The following ADAMTS17 variants were observed in gnomAD, a reference collection of about 807,000 sequenced individuals.
ADAMTS17 encodes the protein A disintegrin and metalloproteinase with thrombospondin motifs 17.
Under a neutral mutation model 141.5 loss-of-function variants are expected in ADAMTS17, and 113 were observed. That is an observed-to-expected ratio of 0.80 (90% confidence interval 0.69 to 0.93). ADAMTS17 has a LOEUF of 0.93. Ranked by LOEUF, ADAMTS17 falls within the 40% of genes least tolerant of loss-of-function variation. ADAMTS17 has a pLI of 0.00. For missense variants in ADAMTS17, 1,659 were observed against 1,517.9 expected (o/e 1.09, Z -1.54); for synonymous variants, 768 against 630.6 (o/e 1.22, Z -3.27).
intron 3 of ADAMTS17, among the ~76,000 whole-genome samples, chr15:100,310,140 C>T (rs1043913464): frequency 6.6e-5 from 10 of 152,148 alleles, no homozygotes; most frequent in Admixed American, 2.6e-4. Flanking sequence ...ACGGATGTGC[C>T]GCTGAACACT....
At chr15:100,334,367 T>TGAGGAA (rs2046144543) in intron 2 of ADAMTS17, among the ~76,000 whole-genome samples, 1 of 152,186 alleles carries the variant, frequency 6.6e-6, no homozygotes, top group Non-Finnish European at 1.5e-5. Flanking sequence ...TGGAATTCCC[T>TGAGGAA]TTCTTCAGGA....
chr15:100,092,849 G>A (rs1340145032), intron 15 of ADAMTS17, among the ~76,000 whole-genome samples: 1 of 152,224 alleles, frequency 6.6e-6, no homozygotes, highest in African/African-American at 2.4e-5. Flanking sequence ...CAGTCCAGGT[G>A]TGTCCTGGCT....
intron 14 of ADAMTS17, among the ~76,000 whole-genome samples, chr15:100,104,600 T>C (rs1423410136): frequency 6.6e-6 from 1 of 152,102 alleles, no homozygotes; most frequent in Admixed American, 6.5e-5. Flanking sequence ...TAGCACAATT[T>C]ATAGCTGAAG....
At chr15:100,102,701 C>T (rs4965586) in intron 14 of ADAMTS17, among the ~76,000 whole-genome samples, 12 of 152,208 alleles carry the variant, frequency 7.9e-5, no homozygotes, top group Admixed American at 7.8e-4. Flanking sequence ...GACCTCTAAC[C>T]CCAACGCAGA....
intron 6 of ADAMTS17, among the ~76,000 whole-genome samples, chr15:100,259,940 G>A (rs1025581746): frequency 6.6e-6 from 1 of 152,164 alleles, no homozygotes; most frequent in African/African-American, 2.4e-5. Context: ...TGCCTCCCCG[G>A]TTCAAGCAAT....
At chr15:100,098,518 G>A (rs10902561) in intron 14 of ADAMTS17, among the ~76,000 whole-genome samples, 45,532 of 151,720 alleles carry the variant, frequency 0.3, 8,300 homozygotes, top group African/African-American at 0.51. Flanking sequence ...ATGGTGGCAC[G>A]CACCTATGGT....
chr15:100,324,473 A>G (rs1288661074), intron 3 of ADAMTS17, among the ~76,000 whole-genome samples: 2 of 152,138 alleles, frequency 1.3e-5, no homozygotes, highest in Non-Finnish European at 2.9e-5. Context: ...TTATGTCTTT[A>G]CTGCCTATCT....
rs1596123136 is a variant in ADAMTS17, at chr15:99,974,049, G to A, written c.*353C>T. 4 of 375,046 alleles carry A rather than the reference G, an allele frequency of 1.1e-5. No individual in the cohort carries two copies. The highest frequency in any genetic ancestry group is 8.9e-5 in the South Asian group (4 of 45,158). The allele number at this position is 375,046 out of a possible 1,614,324, so 23.2% of individuals were successfully genotyped here. A position where few individuals can be genotyped will look rare whatever the true frequency, so the allele number is the denominator to read the frequency against. On this transcript the variant is annotated 3_prime_UTR_variant, in exon 22 of 22. Coordinates refer to ENST00000268070, the MANE Select transcript of ADAMTS17 (RefSeq NM_139057.4). Reference sequence around the variant, plus strand: ...GGATGTTTCCTCCATGATATACCAAGCACTGGAAATTCAAATGTCAAAAGC... The same window carrying A: ...GGATGTTTCCTCCATGATATACCAAACACTGGAAATTCAAATGTCAAAAGC...
chr15:100,087,347 T>C (rs1443757027), intron 15 of ADAMTS17, among the ~76,000 whole-genome samples: 2 of 152,214 alleles, frequency 1.3e-5, no homozygotes, highest in African/African-American at 2.4e-5. Context: ...CAATAATTAA[T>C]AGCTTACCAA....
chr15:100,027,266 T>C (rs181152331), intron 18 of ADAMTS17, among the ~76,000 whole-genome samples: 33 of 152,388 alleles, frequency 2.2e-4, no homozygotes, highest in East Asian at 9.6e-4. Flanking sequence ...CTTTTTATTC[T>C]TTTATTCTAC....
At chr15:100,297,450 T>C (rs1175475533) in intron 3 of ADAMTS17, among the ~76,000 whole-genome samples, 2 of 151,940 alleles carry the variant, frequency 1.3e-5, no homozygotes, top group African/African-American at 2.4e-5. Context: ...AAACGGACAA[T>C]ATCTGGACAA....
chr15:100,215,722 G>A (rs920453666), intron 7 of ADAMTS17, among the ~76,000 whole-genome samples: 1 of 152,042 alleles, frequency 6.6e-6, no homozygotes, highest in Non-Finnish European at 1.5e-5. Context: ...TGCTCTGTAG[G>A]TAAGGGCAAA....
chr15:100,036,902 A>T (rs527462566), intron 18 of ADAMTS17, among the ~76,000 whole-genome samples: 15 of 152,230 alleles, frequency 9.9e-5, no homozygotes, highest in African/African-American at 3.4e-4. Context: ...CCAGAACTTC[A>T]TTCCTTTTTA....
intron 21 of ADAMTS17, 27 bp downstream of exon 21, chr15:99,976,018 G>A (rs1333491665): frequency 1.9e-6 from 3 of 1,541,464 alleles, no homozygotes; most frequent in East Asian, 2.5e-5. Context: ...CAGCCCCCTG[G>A]GAACCGGGGC....
chr15:100,019,415 G>A (rs1211924095), intron 18 of ADAMTS17, among the ~76,000 whole-genome samples: 2 of 152,224 alleles, frequency 1.3e-5, no homozygotes, highest in African/African-American at 4.8e-5. Context: ...AAACTGGGAA[G>A]TGGAGACGTG....
At chr15:100,283,459 G>C (rs191617453) in intron 3 of ADAMTS17, among the ~76,000 whole-genome samples, 2 of 152,310 alleles carry the variant, frequency 1.3e-5, no homozygotes, top group East Asian at 3.9e-4. Flanking sequence ...GTGCAGAGCT[G>C]ATGGGCCACC....
chr15:100,290,165 T>C (rs1279817889), intron 3 of ADAMTS17, among the ~76,000 whole-genome samples: 1 of 152,156 alleles, frequency 6.6e-6, no homozygotes, highest in African/African-American at 2.4e-5. Flanking sequence ...CAGCAAAGTT[T>C]CAGATATATA....
At chr15:100,053,752 T>A (rs1335861452) in intron 16 of ADAMTS17, 145 bp downstream of exon 16, 1 of 1,181,236 alleles carries the variant, frequency 8.5e-7, no homozygotes, top group Non-Finnish European at 1.3e-6. Flanking sequence ...GGGAGAGGAC[T>A]GAGCAGCAGG....
intron 10 of ADAMTS17, among the ~76,000 whole-genome samples, chr15:100,135,901 T>C (rs555253549): frequency 2.5e-4 from 38 of 152,256 alleles, no homozygotes; most frequent in Admixed American, 4.6e-4. Flanking sequence ...GCAGCCAGAA[T>C]GGGTAGAATG....
Sources: allele counts gnomAD v4.1 joint callset (sites outside exome capture counted in the v4.1 genomes callset), GRCh38; gene constraint gnomAD v4.1.1; transcripts MANE v1.5; gene names NCBI Gene and HGNC (gene_info 2026-07-23, HGNC 2026-07-21).